Variants in ZFP28 observed in about 807,000 individuals in gnomAD.
The protein encoded by ZFP28 is zinc finger protein 28 homolog.
A neutral mutation model predicts 39.5 loss-of-function variants in ZFP28; 31 were observed. The observed-to-expected ratio is 0.79, with a 90% CI of 0.59 to 1.06. ZFP28 has a LOEUF of 1.06. Among genes scored for constraint, ZFP28 ranks in the 50% least tolerant of loss-of-function variants. ZFP28 has a pLI of 0.00. For missense variants in ZFP28, 925 were observed against 1,048.4 expected (o/e 0.88, Z 1.63); for synonymous variants, 400 against 378.6 (o/e 1.06, Z -0.66).
chr19:56,553,448 C>T lies in ZFP28; in HGVS notation c.899-236C>T, dbSNP rs544050483. On this transcript the variant is annotated intron_variant, in intron 7 of 7. Coordinates refer to ENST00000301318, the MANE Select transcript of ZFP28 (RefSeq NM_020828.2). Reference sequence around the variant, plus strand: ...GTTGTGCAGGCTATGTTGTCCTGGCCTCAAGTGATCCGCCTCAAGTGATCT... The same window carrying T: ...GTTGTGCAGGCTATGTTGTCCTGGCTTCAAGTGATCCGCCTCAAGTGATCT... Among the ~76,000 whole-genome samples the T allele has an allele frequency of 4.9e-4, 75 of 152,180 alleles. 1 individual carries two copies. Among genetic ancestry groups the T allele is most frequent in the African/African-American group, 1.6e-3 (65 of 41,522 alleles).
At chr19:56,550,696 G>A (rs1260752683) in intron 7 of ZFP28, 91 bp downstream of exon 7, 2 of 1,599,840 alleles carry the variant, frequency 1.3e-6, no homozygotes, top group East Asian at 4.5e-5. Flanking sequence ...ATATACAGTA[G>A]GAAACTTTAC....
chr19:56,549,213 G>A lies in ZFP28; in HGVS notation c.687+92G>A, dbSNP rs139053679. On this transcript the variant is annotated intron_variant, in intron 5 of 7. Transcript: ENST00000301318. ...GAGACCATGACTACAACAACTATAA[G>A]AGAAGTTTTCATTTGAATACAATGC... 2.7e-4 allele frequency: 385 copies of A among 1,427,872 alleles called. 1 individual carries two copies. In the African/African-American group the frequency reaches 4.8e-3, roughly 18 times the overall value. The allele number at this position is 1,427,872 out of a possible 1,614,324, so 88.5% of individuals were successfully genotyped here. A position where few individuals can be genotyped will look rare whatever the true frequency, so the allele number is the denominator to read the frequency against.
chr19:56,547,948 G>A lies in ZFP28; in HGVS notation c.523+46G>A, dbSNP rs2044258701. 2 of 1,590,116 alleles carry A rather than the reference G, an allele frequency of 1.3e-6. No homozygotes were observed. Among genetic ancestry groups the A allele is most frequent in the African/African-American group, 1.3e-5 (1 of 74,416 alleles). The stretch of plus-strand genomic sequence containing the variant: ...TAGGGTGAGGCCACTGCTGGTCATA[G>A]TTCAGCTGACTCAGACACGCAACAT... On this transcript the variant is annotated intron_variant, in intron 4 of 7. Coordinates refer to ENST00000301318, the MANE Select transcript of ZFP28 (RefSeq NM_020828.2). This position sits in a 1 kb window ranked among gnomAD's most constrained non-coding sequence, Gnocchi z 4.6.
In ZFP28 at chr19:56,551,182, GTTTT is replaced by G. The variant is rs2044298820; in HGVS notation, c.898+578_898+581del. ...AGATGTTGTTCCCAGTGGTGTCTATGTTTTAGTAGGACAGGTGGGTAGAAGTTGA... is the reference window on the plus strand; with the variant it reads ...AGATGTTGTTCCCAGTGGTGTCTATGAGTAGGACAGGTGGGTAGAAGTTGA... On this transcript the variant is annotated intron_variant, in intron 7 of 7. Transcript: ENST00000301318. 9.1e-6 allele frequency: 9 copies of G among 988,612 alleles called. No homozygotes were observed. The South Asian group carries it at 4.2e-4, about 46-fold the overall frequency. 61.2% of individuals were successfully genotyped at this position (988,612 alleles called of 1,614,324 possible).
At position 56,550,063 on chromosome 19, in the gene ZFP28, G is replaced by C. The variant is rs750612675; in HGVS notation, c.688-4G>C. The C allele has an allele frequency of 1.9e-6, 3 of 1,607,462 alleles. No homozygotes were observed. The South Asian group carries it at 3.4e-5, about 18-fold the overall frequency. ...ATTTAAAAAACGTGCTTTTACCATT[G>C]CAGGGCTTGGTGACTATCAAAAACC... is the stretch of plus-strand genomic sequence containing the variant. On this transcript the variant is annotated splice_polypyrimidine_tract_variant and splice_region_variant and intron_variant, in intron 5 of 7. Transcript: ENST00000301318.
chr19:56,539,791 A>C lies in ZFP28; in HGVS notation c.300+75A>C, dbSNP rs1423829300. 2.8e-6 allele frequency: 4 copies of C among 1,415,694 alleles called. No homozygotes were observed. In the Admixed American group the frequency reaches 7.7e-5, roughly 27 times the overall value. The allele number at this position is 1,415,694 out of a possible 1,614,324, so 87.7% of individuals were successfully genotyped here. ...GGACTTAATGTTGCTTATTTTCTTG[A>C]AAGTTTTCAGTTTAAGAGACCTGTT... On this transcript the variant is annotated intron_variant, in intron 2 of 7. Transcript: ENST00000301318.
Position 56,553,904 on chromosome 19 carries a change from A to T in ZFP28, c.1119A>T (p.Glu373Asp). The change falls in exon 8 of 8, where the codon GAA becomes GAT. Residue 373 changes from glutamate to aspartate, a missense_variant. By Grantham distance (45) the Glu-to-Asp change is conservative. Coordinates refer to ENST00000301318, the MANE Select transcript of ZFP28 (RefSeq NM_020828.2). ...THNKTLSKER[E>D]RTYNKSGRWF... ...ACAAAACCCTCTCTAAGGAAAGAGA[A>T]CGTACATATAACAAATCTGGAAGAT... 1.2e-6 allele frequency: 2 copies of T among 1,614,200 alleles called. No individual in the cohort carries two copies. The highest frequency in any genetic ancestry group is 1.7e-6 in the Non-Finnish European group (2 of 1,180,040).
Position 56,553,806 on chromosome 19 carries a change from TCTGA to T in ZFP28, c.1024_1027del (p.Asp342MetfsTer9). 6.2e-7 allele frequency: 1 copy of T among 1,614,142 alleles called. No homozygotes were observed. Among genetic ancestry groups the T allele is most frequent in the Non-Finnish European group, 8.5e-7 (1 of 1,180,020 alleles). On this transcript the variant is annotated frameshift_variant, in exon 8 of 8. Coordinates refer to ENST00000301318, the MANE Select transcript of ZFP28 (RefSeq NM_020828.2). LOFTEE classifies it low-confidence loss of function (END_TRUNC). ...TTCCAGTTTCAGAGAAAATTGGGAT[TCTGA>T]CTATGTGTTTGGAAGGAAGCTTGCA...
intron 2 of ZFP28, among the ~76,000 whole-genome samples, chr19:56,540,502 A>C (rs2044186549): frequency 6.6e-6 from 1 of 152,226 alleles, no homozygotes; most frequent in South Asian, 2.1e-4. Context: ...TGTACAGATG[A>C]ACCAGCTTCC....
upstream of ZFP28, chr19:56,537,573 G>C (rs1368797014): frequency 3.3e-5 from 5 of 152,240 alleles, no homozygotes; most frequent in African/African-American, 9.6e-5. Context: ...GTCTGCCACA[G>C]CTATTACATG....
Position 56,550,390 on chromosome 19 carries a change from C to G in ZFP28, c.803-120C>G, listed in dbSNP as rs140680054. 3.6e-4 allele frequency: 335 copies of G among 942,556 alleles called. 1 individual carries two copies. The African/African-American group carries it at 5.2e-3, about 15-fold the overall frequency. 58.4% of individuals were successfully genotyped at this position (942,556 alleles called of 1,614,324 possible). On this transcript the variant is annotated intron_variant, in intron 6 of 7. Transcript: ENST00000301318. The stretch of plus-strand genomic sequence containing the variant: ...CGTTATCTTCTTGTGTCTTTCAGAT[C>G]CTACTCACCTGTTTTTCTGTTTCTT...
chr19:56,553,635 T>C, intron 7 of ZFP28, 49 bp from the exon 8 acceptor site: 1 of 1,522,242 alleles, frequency 6.6e-7, no homozygotes, highest in Non-Finnish European at 8.8e-7. Context: ...CAGATTCCTT[T>C]TTCCTAGCAC....
Position 56,547,503 on chromosome 19 carries a change from T to C in ZFP28, c.301-5T>C, listed in dbSNP as rs774194981. ...TTGAGCAAGAACATGGTTATATCAT[T>C]TCAGGGCTTGGTGACATTTGGGGAT... On this transcript the variant is annotated splice_region_variant and splice_polypyrimidine_tract_variant and intron_variant, in intron 2 of 7. Transcript: ENST00000301318. This position sits in a 1 kb window ranked among gnomAD's most constrained non-coding sequence, Gnocchi z 4.6. 5 of 1,614,088 alleles carry C rather than the reference T, an allele frequency of 3.1e-6. No homozygotes were observed. The highest frequency in any genetic ancestry group is 4.2e-6 in the Non-Finnish European group (5 of 1,179,994).
chr19:56,538,683 G>A (rs1216298184), upstream of ZFP28: 1 of 151,744 alleles, frequency 6.6e-6, no homozygotes, highest in East Asian at 2.0e-4. Context: ...ACGCTTCCCA[G>A]CGGGCATTGC....
Position 56,547,805 on chromosome 19 carries a change from A to G in ZFP28, c.428-2A>G. The G allele has an allele frequency of 6.2e-7, 1 of 1,614,146 alleles. No individual in the cohort carries two copies. Among genetic ancestry groups the G allele is most frequent in the Non-Finnish European group, 8.5e-7 (1 of 1,180,014 alleles). ...TGACCAGGTTGTTTTTTATGTGTCT[A>G]GGACTTTGTGTTTCTAAGCCCGATG... On this transcript the variant is annotated splice_acceptor_variant, in intron 3 of 7. Transcript: ENST00000301318. LOFTEE classifies it high-confidence loss of function. This position sits in a 1 kb window ranked among gnomAD's most constrained non-coding sequence, Gnocchi z 4.6.
At chr19:56,546,035 C>A (rs2044238534) in intron 2 of ZFP28, 1 of 152,224 alleles carries the variant, frequency 6.6e-6, no homozygotes, top group Non-Finnish European at 1.5e-5. Flanking sequence ...TGCATGCTTC[C>A]ATTGTGCCTT....
Position 56,547,712 on chromosome 19 carries a change from C to T in ZFP28, c.427+78C>T, listed in dbSNP as rs929145724. 3.3e-5 allele frequency: 53 copies of T among 1,589,856 alleles called. No homozygotes were observed. Among genetic ancestry groups the T allele is most frequent in the Non-Finnish European group, 4.4e-5 (51 of 1,166,086 alleles). ...AAGAAGCCTTTCATGCCTTTATCAC[C>T]CAGACCTGCACTGCCCTCTTGCGTC... is the stretch of plus-strand genomic sequence containing the variant. On this transcript the variant is annotated intron_variant, in intron 3 of 7. Transcript: ENST00000301318. The surrounding 1 kb of genome is among the most constrained non-coding windows in gnomAD (Gnocchi z 4.6).
rs1270792591 is a variant in ZFP28 at position 56,554,615 on chromosome 19, T to G, written c.1830T>G (p.Ile610Met). 6.2e-7 allele frequency: 1 copy of G among 1,613,988 alleles called. No individual in the cohort carries two copies. The highest frequency in any genetic ancestry group is 1.3e-5 in the African/African-American group (1 of 74,924). Reference sequence around the variant, plus strand: ...TACACCTTGCCAGTCATTTAAGGATTCATACTGGGGAGAAGCCTTTTGAAT... The same window carrying G: ...TACACCTTGCCAGTCATTTAAGGATGCATACTGGGGAGAAGCCTTTTGAAT... The part of the protein sequence containing the change: ...QNIHLASHLR[I>M]HTGEKPFECA... The change falls in exon 8 of 8, where the codon ATT becomes ATG. Residue 610 changes from isoleucine to methionine, a missense_variant. By Grantham distance (10) the Ile-to-Met change is conservative. Coordinates refer to ENST00000301318, the MANE Select transcript of ZFP28 (RefSeq NM_020828.2). The surrounding 1 kb of genome is among the most constrained non-coding windows in gnomAD (Gnocchi z 6.7).
At position 56,556,756 on chromosome 19, in the gene ZFP28, A is replaced by G. The variant is rs1249771705; in HGVS notation, c.*1364A>G. On this transcript the variant is annotated 3_prime_UTR_variant, in exon 8 of 8. Coordinates refer to ENST00000301318, the MANE Select transcript of ZFP28 (RefSeq NM_020828.2). Reference sequence around the variant, plus strand: ...AGGTGAAAGGAAATTATTAAACTATATTGAAAAATAAAGATGTCAATAAAA... The same window carrying G: ...AGGTGAAAGGAAATTATTAAACTATGTTGAAAAATAAAGATGTCAATAAAA... 1.3e-5 allele frequency: 2 copies of G among 152,218 alleles called. No homozygotes were observed. The highest frequency in any genetic ancestry group is 4.8e-5 in the African/African-American group (2 of 41,460). The allele number at this position is 152,218 out of a possible 1,614,324, so 9.4% of individuals were successfully genotyped here. A position where few individuals can be genotyped will look rare whatever the true frequency, so the allele number is the denominator to read the frequency against.
Sources: allele counts gnomAD v4.1 joint callset (sites outside exome capture counted in the v4.1 genomes callset), GRCh38; gene constraint gnomAD v4.1.1; non-coding constraint Gnocchi (gnomAD v3.1); transcripts MANE v1.5; gene names NCBI Gene and HGNC (gene_info 2026-07-23, HGNC 2026-07-21).